LONRF1: variants seen among roughly 807,000 people sequenced by gnomAD.
LONRF1 encodes the protein LON peptidase N-terminal domain and ring finger 1, also known as LON peptidase N-terminal domain and RING finger protein 1.
A neutral mutation model predicts 85.8 loss-of-function variants in LONRF1; 37 were observed. That is an observed-to-expected ratio of 0.43 (90% CI 0.33 to 0.57). LONRF1 has a LOEUF of 0.57. Ranked by LOEUF, LONRF1 falls within the 20% of genes least tolerant of loss-of-function variation. The pLI, the probability that LONRF1 is intolerant of heterozygous loss-of-function variation, is 0.04. For synonymous variants in LONRF1, 517 were observed against 390.1 expected (o/e 1.33, Z -3.83); for missense variants, 1,036 against 978.0 (o/e 1.06, Z -0.79).
At chr8:12,731,220 G>A (rs1162008364) in intron 8 of LONRF1, among the ~76,000 whole-genome samples, 1 of 151,594 alleles carries the variant, frequency 6.6e-6, no homozygotes, top group African/African-American at 2.4e-5. Flanking sequence ...TCACCCTCCC[G>A]ACACCAACTC....
rs754302193 is a variant in LONRF1 at position 12,723,236 on chromosome 8, C to T, written c.2182G>A (p.Ala728Thr). 1 of 1,612,374 alleles carries T rather than the reference C, an allele frequency of 6.2e-7. No individual in the cohort carries two copies. Among genetic ancestry groups the T allele is most frequent in the Non-Finnish European group, 8.5e-7 (1 of 1,179,508 alleles). The change falls in exon 12 of 12, where the codon GCA becomes ACA. Residue 728 changes from alanine (A) to threonine (T), a missense_variant. Ala to Thr is a moderately conservative substitution (Grantham distance 58). Coordinates refer to ENST00000398246, the MANE Select transcript of LONRF1 (RefSeq NM_152271.5). Reference protein sequence around the residue: ...ENLQAAPNGPAWCWWLLAVLP... With the variant: ...ENLQAAPNGPTWCWWLLAVLP... ...ACTGCAAGAAGCCACCAACACCATG[C>T]AGGTCCATTAGGGGCTGCCTAAAAA...
intron 7 of LONRF1, 44 bp from the exon 8 acceptor site, chr8:12,731,901 C>G (rs369156641): frequency 1.3e-6 from 2 of 1,569,624 alleles, no homozygotes; most frequent in Non-Finnish European, 8.7e-7. Flanking sequence ...GGTTTTCCTA[C>G]AGTATAAAAC....
At chr8:12,750,216 T>C (rs930766153) in intron 1 of LONRF1, among the ~76,000 whole-genome samples, 6 of 152,216 alleles carry the variant, frequency 3.9e-5, no homozygotes, top group Admixed American at 6.5e-5. Context: ...ATTACGATAA[T>C]AGAAATGAAA....
intron 1 of LONRF1, among the ~76,000 whole-genome samples, chr8:12,747,605 G>A (rs1238152311): frequency 6.8e-6 from 1 of 147,146 alleles, no homozygotes; most frequent in Non-Finnish European, 1.5e-5. Context: ...CTAAGCAGAG[G>A]AGGTTAGCCT....
chr8:12,751,296 G>GTTTTTTTTTTTTTTTTTTTTTTTTTTTT (rs869038024), intron 1 of LONRF1, among the ~76,000 whole-genome samples: 1 of 69,556 alleles, frequency 1.4e-5, no homozygotes. Context: ...TTATTTTTAT[G>GTTTTTTTTTTTTTTTTTTTTTTTTTTTT]TTTTTTTTTT....
intron 11 of LONRF1, 147 bp downstream of exon 11, chr8:12,725,580 T>C (rs1026524921): frequency 2.8e-6 from 2 of 706,222 alleles, no homozygotes; most frequent in Non-Finnish European, 4.7e-6. Context: ...GAACTCATGA[T>C]TGCAAAGATG....
chr8:12,723,020 G>A lies in LONRF1; in HGVS notation c.*76C>T. Reference sequence around the variant, plus strand: ...TAAATTTCTGAAACCAGCACTAGATGTGCAAAGGCAGCAGACAATCTGGCC... The same window carrying A: ...TAAATTTCTGAAACCAGCACTAGATATGCAAAGGCAGCAGACAATCTGGCC... On this transcript the variant is annotated 3_prime_UTR_variant, in exon 12 of 12. Transcript: ENST00000398246. 9 of 1,356,494 alleles carry A rather than the reference G, an allele frequency of 6.6e-6. No individual in the cohort carries two copies. The highest frequency in any genetic ancestry group is 9.0e-6 in the Non-Finnish European group (9 of 1,001,254). The allele number at this position is 1,356,494 out of a possible 1,614,324, so 84.0% of individuals were successfully genotyped here.
chr8:12,727,242 T>C (rs1472974141), intron 10 of LONRF1: 1 of 146,230 alleles, frequency 6.8e-6, no homozygotes, highest in Non-Finnish European at 1.5e-5. Context: ...AAAACGGAGC[T>C]GGCCAAAAAG....
chr8:12,750,377 G>T (rs1439304108), intron 1 of LONRF1, among the ~76,000 whole-genome samples: 1 of 152,188 alleles, frequency 6.6e-6, no homozygotes, highest in African/African-American at 2.4e-5. Flanking sequence ...TGCAACTTCA[G>T]ATAGTACCAA....
chr8:12,737,155 T>C lies in LONRF1; in HGVS notation c.1114-15A>G, dbSNP rs755680775. 13 of 1,605,906 alleles carry C rather than the reference T, an allele frequency of 8.1e-6. No homozygotes were observed. Among genetic ancestry groups the C allele is most frequent in the African/African-American group, 8.1e-5 (6 of 74,340 alleles). On this transcript the variant is annotated splice_polypyrimidine_tract_variant and intron_variant, in intron 4 of 11. Transcript: ENST00000398246. ...ATTTCTTCACTCTACAAAAATACAATAAACAAAGGTAACTGTATTTCTTTA... is the reference window on the plus strand; with the variant it reads ...ATTTCTTCACTCTACAAAAATACAACAAACAAAGGTAACTGTATTTCTTTA...
At chr8:12,747,462 C>T (rs1799207785) in intron 1 of LONRF1, among the ~76,000 whole-genome samples, 1 of 152,030 alleles carries the variant, frequency 6.6e-6, no homozygotes, top group Non-Finnish European at 1.5e-5. Flanking sequence ...ATCTTTTACC[C>T]ATCACAAAGA....
intron 1 of LONRF1, among the ~76,000 whole-genome samples, chr8:12,744,261 C>G (rs918242367): frequency 6.6e-6 from 1 of 152,146 alleles, no homozygotes; most frequent in Non-Finnish European, 1.5e-5. Flanking sequence ...CTATTCAAAA[C>G]TCTCACTTGA....
intron 7 of LONRF1, among the ~76,000 whole-genome samples, chr8:12,733,519 G>T (rs6530958): frequency 6.6e-6 from 1 of 152,046 alleles, no homozygotes; most frequent in Non-Finnish European, 1.5e-5. Context: ...TTTCTTTCAA[G>T]TTTTTCTTCC....
chr8:12,733,028 G>A (rs114734158), intron 7 of LONRF1, among the ~76,000 whole-genome samples: 113 of 152,188 alleles, frequency 7.4e-4, no homozygotes, highest in African/African-American at 2.6e-3. Context: ...CATGAATCGC[G>A]GCTTGTTAAA....
At chr8:12,744,907 T>C (rs1284768883) in intron 1 of LONRF1, among the ~76,000 whole-genome samples, 1 of 151,820 alleles carries the variant, frequency 6.6e-6, no homozygotes, top group Non-Finnish European at 1.5e-5. Context: ...TTCTTATACA[T>C]CAAGTTCTCA....
chr8:12,738,267 G>A, intron 3 of LONRF1, 123 bp from the exon 4 acceptor site: 2 of 658,162 alleles, frequency 3.0e-6, no homozygotes, highest in Non-Finnish European at 4.8e-6. Context: ...TAATGAGCAG[G>A]AGGGGAACAA....
At chr8:12,735,539 G>GCCC in intron 6 of LONRF1, 139 bp from the exon 7 acceptor site, 1 of 608,654 alleles carries the variant, frequency 1.6e-6, no homozygotes, top group Non-Finnish European at 2.9e-6. Flanking sequence ...GAGAGAAAGG[G>GCCC]CAGTGATAAG....
At chr8:12,745,571 T>C (rs1433998520) in intron 1 of LONRF1, among the ~76,000 whole-genome samples, 1 of 152,218 alleles carries the variant, frequency 6.6e-6, no homozygotes, top group Non-Finnish European at 1.5e-5. Context: ...ATTTACTGTA[T>C]GCTCTCTACG....
rs2117204684 is a variant in LONRF1, at chr8:12,722,555, T to C, written c.*541A>G. 1 of 152,878 alleles carries C rather than the reference T, an allele frequency of 6.5e-6. No individual in the cohort carries two copies. The highest frequency in any genetic ancestry group is 2.1e-4 in the South Asian group (1 of 4,832). 9.5% of individuals were successfully genotyped at this position (152,878 alleles called of 1,614,324 possible). A position where few individuals can be genotyped will look rare whatever the true frequency, so the allele number is the denominator to read the frequency against. ...CAAGAGCAGTGTTTCCAACAAAGAA[T>C]GATCCTCAACACGATATTTTACATA... On this transcript the variant is annotated 3_prime_UTR_variant, in exon 12 of 12. Transcript: ENST00000398246.
Sources: allele counts gnomAD v4.1 joint callset (sites outside exome capture counted in the v4.1 genomes callset), GRCh38; gene constraint gnomAD v4.1.1; transcripts MANE v1.5; gene names NCBI Gene and HGNC (gene_info 2026-07-23, HGNC 2026-07-21).